The following MRE11 variants were observed in gnomAD, a reference collection of about 807,000 sequenced individuals.
The protein encoded by MRE11 is double-strand break repair protein MRE11.
MRE11 carries 62 observed loss-of-function variants against 91.7 expected under a neutral mutation model. The observed-to-expected ratio is 0.68, with a 90% confidence interval of 0.55 to 0.84. The LOEUF is 0.84. MRE11 is among the 40% of genes least tolerant of loss of function. The probability of loss-of-function intolerance (pLI) is 0.00; values close to 1 mark genes in which losing one functional copy is unlikely to be tolerated. For synonymous variants in MRE11, 273 were observed against 271.4 expected (o/e 1.01, Z -0.06); for missense variants, 796 against 852.9 (o/e 0.93, Z 0.83).
At chr11:94,511,445 C>A in the MRE11 span, among the ~76,000 whole-genome samples, 1 of 152,088 alleles carries the variant, frequency 6.6e-6, no homozygotes, top group Non-Finnish European at 1.5e-5. Context: ...TAGCCTAATA[C>A]AATTGTCATA....
chr11:94,487,737 G>A (rs188309334), intron 3 of MRE11, among the ~76,000 whole-genome samples: 14 of 152,300 alleles, frequency 9.2e-5, no homozygotes, highest in African/African-American at 2.2e-4. Flanking sequence ...GAAAAAAATC[G>A]TGTGTATTTG....
chr11:94,455,013 C>A (rs1249309833), intron 14 of MRE11, among the ~76,000 whole-genome samples: 1 of 152,144 alleles, frequency 6.6e-6, no homozygotes, highest in African/African-American at 2.4e-5. Context: ...TTCCAAAAAA[C>A]AACCTGTAAA....
chr11:94,454,359 A>G (rs1946194494), intron 14 of MRE11, among the ~76,000 whole-genome samples: 1 of 152,050 alleles, frequency 6.6e-6, no homozygotes, highest in Admixed American at 6.6e-5. Flanking sequence ...CAGGTAAGTC[A>G]CAATGCCCAG....
chr11:94,486,894 C>T (rs12273193), intron 3 of MRE11, among the ~76,000 whole-genome samples: 230 of 152,248 alleles, frequency 1.5e-3, no homozygotes, highest in African/African-American at 5.1e-3. Flanking sequence ...GCTTTCAAGA[C>T]GTATACGATG....
At chr11:94,478,569 T>G (rs910647319) in intron 6 of MRE11, among the ~76,000 whole-genome samples, 166 bp downstream of exon 6, 1 of 152,168 alleles carries the variant, frequency 6.6e-6, no homozygotes, top group Non-Finnish European at 1.5e-5. Flanking sequence ...GAAAAGACAT[T>G]TTTTCACCAA....
chr11:94,453,066 TAG>T (rs1159605604), intron 14 of MRE11, among the ~76,000 whole-genome samples: 1 of 152,194 alleles, frequency 6.6e-6, no homozygotes, highest in African/African-American at 2.4e-5. Context: ...CTCATATAAG[TAG>T]AGTCATATAA....
At chr11:94,505,290 G>A in the MRE11 span, among the ~76,000 whole-genome samples, 1 of 152,302 alleles carries the variant, frequency 6.6e-6, no homozygotes, top group African/African-American at 2.4e-5. Context: ...TATCATAGGA[G>A]ATGACATAGG....
chr11:94,487,641 T>C (rs555207119), intron 3 of MRE11, among the ~76,000 whole-genome samples: 1 of 152,324 alleles, frequency 6.6e-6, no homozygotes, highest in South Asian at 2.1e-4. Context: ...ATTGGCAACA[T>C]CTTAACATTA....
In MRE11 at chr11:94,478,849, A is replaced by G; in HGVS notation, c.430T>C (p.Leu144=). ...GADALCALDI[L]SCAGFVNHFG... is the part of the protein sequence containing the mutation. ...TGATTTACAAATCCAGCACAACTTA[A>G]AATGTCCAAGGCACAAAGTGCATCT... Residue 144 remains leucine (L), a synonymous_variant, in exon 6 of 20, where the codon TTA becomes CTA. Transcript: ENST00000323929. The G allele has an allele frequency of 6.2e-7, 1 of 1,613,852 alleles. No individual in the cohort carries two copies.
intron 10 of MRE11, among the ~76,000 whole-genome samples, chr11:94,464,668 G>A (rs1946515588): frequency 6.6e-6 from 1 of 152,152 alleles, no homozygotes; most frequent in Non-Finnish European, 1.5e-5. Context: ...TGCCTCAAGA[G>A]AAAGATGAAT....
intron 19 of MRE11, among the ~76,000 whole-genome samples, chr11:94,427,090 A>G (rs2134773358): frequency 6.6e-6 from 1 of 152,270 alleles, no homozygotes; most frequent in South Asian, 2.1e-4. Context: ...GAGACACAAC[A>G]AAACAAAGAA....
chr11:94,491,461 A>G lies in MRE11; in HGVS notation c.21-496T>C, dbSNP rs997952744. ...CTCTACAGAGTTAGATTTCATTAAT[A>G]AAGTTGGCCAACACAGAATTGTTTC... On this transcript the variant is annotated intron_variant, in intron 2 of 19. Transcript: ENST00000323929. Among the ~76,000 whole-genome samples the G allele has an allele frequency of 5.9e-5, 9 of 152,242 alleles. 1 individual carries two copies. Among genetic ancestry groups the G allele is most frequent in the Non-Finnish European group, 8.8e-5 (6 of 68,026 alleles).
At chr11:94,511,916 T>C in the MRE11 span, among the ~76,000 whole-genome samples, 15 of 152,384 alleles carry the variant, frequency 9.8e-5, no homozygotes, top group South Asian at 1.9e-3. Context: ...GTTTGTTATT[T>C]TGTGAATACA....
intron 16 of MRE11, among the ~76,000 whole-genome samples, chr11:94,442,947 T>G (rs1281198894): frequency 6.6e-6 from 1 of 152,158 alleles, no homozygotes; most frequent in Non-Finnish European, 1.5e-5. Flanking sequence ...TAAATGGCAA[T>G]AAAGACAACA....
intron 18 of MRE11, among the ~76,000 whole-genome samples, chr11:94,432,755 G>T (rs531298638): frequency 1.3e-5 from 2 of 152,186 alleles, no homozygotes; most frequent in African/African-American, 4.8e-5. Context: ...GCAGTGAGCC[G>T]AGATCGCGCC....
chr11:94,501,928 GT>G, the MRE11 span, among the ~76,000 whole-genome samples: 1 of 151,778 alleles, frequency 6.6e-6, no homozygotes, highest in Non-Finnish European at 1.5e-5. Flanking sequence ...AAATCATATT[GT>G]TTTTTTAAAA....
chr11:94,444,381 ATTGTTTTTGTT>A (rs948157375), intron 16 of MRE11, among the ~76,000 whole-genome samples: 4 of 150,486 alleles, frequency 2.7e-5, no homozygotes, highest in Non-Finnish European at 4.4e-5. Flanking sequence ...TCATTTTGTT[ATTGTTTTTGTT>A]CTGTTTTCGT....
rs1945073916 is a variant in MRE11, at chr11:94,418,100, T to C, written c.*2025A>G. 4.3e-6 allele frequency: 1 copy of C among 232,916 alleles called. No homozygotes were observed. 14.4% of individuals were successfully genotyped at this position (232,916 alleles called of 1,614,324 possible). On this transcript the variant is annotated 3_prime_UTR_variant, in exon 20 of 20. Transcript: ENST00000323929. Reference sequence around the variant, plus strand: ...CCTATACCAACAGGTCTGAAAATTGTTAGAAACAAAAAACAAAACTCCCCT... The same window carrying C: ...CCTATACCAACAGGTCTGAAAATTGCTAGAAACAAAAAACAAAACTCCCCT...
upstream of MRE11, among the ~76,000 whole-genome samples, chr11:94,494,546 G>T (rs775304179): frequency 6.6e-6 from 1 of 152,110 alleles, no homozygotes; most frequent in Non-Finnish European, 1.5e-5. Flanking sequence ...AGTTGACATA[G>T]TTCGGATCTC....
Sources: gnomAD v4.1 joint callset for allele counts (sites outside exome capture counted in the v4.1 genomes callset) on GRCh38, gnomAD v4.1.1 for gene constraint, MANE v1.5 for transcripts, NCBI Gene and HGNC (gene_info 2026-07-23, HGNC 2026-07-21) for gene names.